GABRG1: variants seen among roughly 807,000 people sequenced by gnomAD.
GABRG1 encodes the protein gamma-aminobutyric acid receptor subunit gamma-1.
Under a neutral mutation model 49.8 loss-of-function variants are expected in GABRG1, and 49 were observed. The observed-to-expected ratio is 0.98, with a 90% CI of 0.78 to 1.25. GABRG1 has a LOEUF of 1.25. GABRG1 is among the 50% of genes most tolerant of loss of function. GABRG1 has a pLI of 0.00. For missense variants in GABRG1, 552 were observed against 552.3 expected (o/e 1.00, Z 0.01); for synonymous variants, 232 against 185.1 (o/e 1.25, Z -2.06).
At chr4:46,087,544 A>G (rs1321018548) in intron 2 of GABRG1, among the ~76,000 whole-genome samples, 1 of 151,812 alleles carries the variant, frequency 6.6e-6, no homozygotes, top group Admixed American at 6.6e-5. Flanking sequence ...AAATTTTTCA[A>G]TAGTAAATAA....
chr4:46,090,574 A>C (rs1719942606), intron 2 of GABRG1, among the ~76,000 whole-genome samples: 1 of 152,080 alleles, frequency 6.6e-6, no homozygotes, highest in Non-Finnish European at 1.5e-5. Context: ...GTAAAGTATA[A>C]GGAGTAAAAC....
intron 2 of GABRG1, among the ~76,000 whole-genome samples, chr4:46,089,749 G>A (rs1719912830): frequency 1.3e-5 from 2 of 152,026 alleles, no homozygotes; most frequent in Admixed American, 1.3e-4. Context: ...GATCGCTTGA[G>A]CTCAGGAGTT....
At position 46,091,641 on chromosome 4, in the gene GABRG1, G is replaced by C. The variant is rs536608466; in HGVS notation, c.253+5560C>G. Among the ~76,000 whole-genome samples the C allele has an allele frequency of 3.9e-5, 6 of 152,132 alleles. No individual in the cohort carries two copies. In the South Asian group the frequency reaches 1.2e-3, roughly 32 times the overall value. On this transcript the variant is annotated intron_variant, in intron 2 of 8. Coordinates refer to ENST00000295452, the MANE Select transcript of GABRG1 (RefSeq NM_173536.4). ...AACGGGAAATTAGGTCGGTAATAAAGAGCAGATTGAAACACAAATAGGGAG... is the reference window on the plus strand; with the variant it reads ...AACGGGAAATTAGGTCGGTAATAAACAGCAGATTGAAACACAAATAGGGAG...
chr4:46,097,332 T>C lies in GABRG1; in HGVS notation c.122A>G (p.Asp41Gly), dbSNP rs1424400113. The C allele has an allele frequency of 6.2e-6, 10 of 1,608,688 alleles. No homozygotes were observed. The highest frequency in any genetic ancestry group is 8.5e-6 in the Non-Finnish European group (10 of 1,177,146). The change falls in exon 2 of 9, where the codon GAT becomes GGT. Residue 41 changes from aspartate (D) to glycine (G), a missense_variant. Physicochemically the swap from Asp to Gly is moderately conservative, Grantham distance 94. Transcript: ENST00000295452. The stretch of plus-strand genomic sequence containing the variant: ...CACCGTTAAATCCTCATCATCTTCA[T>C]CATCTGCCTTATCAACACTAAATAA... The part of the protein sequence containing the change: ...HLGNCVDKAD[D>G]EDDEDLTVNK...
intron 5 of GABRG1, among the ~76,000 whole-genome samples, chr4:46,062,433 T>A (rs1718732671): frequency 6.6e-6 from 1 of 152,148 alleles, no homozygotes; most frequent in Non-Finnish European, 1.5e-5. Context: ...TAGTTCTAGA[T>A]CCCTGAGGAA....
At chr4:46,087,347 C>T (rs1719809139) in intron 2 of GABRG1, among the ~76,000 whole-genome samples, 1 of 151,410 alleles carries the variant, frequency 6.6e-6, no homozygotes, top group African/African-American at 2.4e-5. Context: ...TCAATATTAT[C>T]TTCCTGGTTT....
chr4:46,113,443 A>G (rs1415790007), intron 1 of GABRG1, among the ~76,000 whole-genome samples: 1 of 150,912 alleles, frequency 6.6e-6, no homozygotes, highest in Non-Finnish European at 1.5e-5. Context: ...ATTCAATTAC[A>G]TTCACCTGGT....
In GABRG1 at chr4:46,064,531, G is replaced by A; in HGVS notation, c.543-8C>T. The A allele has an allele frequency of 7.2e-7, 1 of 1,384,864 alleles. No homozygotes were observed. The highest frequency in any genetic ancestry group is 1.5e-5 in the African/African-American group (1 of 67,142). The allele number at this position is 1,384,864 out of a possible 1,614,324, so 85.8% of individuals were successfully genotyped here. The stretch of plus-strand genomic sequence containing the variant: ...TCTGCATTAATTGTCAATCTATTTA[G>A]ATGGAAAGAAAAGTATTAAATAAAG... On this transcript the variant is annotated splice_region_variant and splice_polypyrimidine_tract_variant and intron_variant, in intron 4 of 8. Transcript: ENST00000295452.
At chr4:46,121,917 C>T (rs1233138351) in intron 1 of GABRG1, among the ~76,000 whole-genome samples, 1 of 152,084 alleles carries the variant, frequency 6.6e-6, no homozygotes, top group East Asian at 1.9e-4. Flanking sequence ...ATAGTATTCA[C>T]ACTTAGAATT....
chr4:46,105,843 T>C (rs1044158146), intron 1 of GABRG1, among the ~76,000 whole-genome samples: 3 of 138,084 alleles, frequency 2.2e-5, no homozygotes, highest in Non-Finnish European at 3.1e-5. Flanking sequence ...ATGATAGATA[T>C]TCTCTACAAG....
chr4:46,044,839 T>C (rs1015255169), intron 8 of GABRG1, among the ~76,000 whole-genome samples: 2 of 152,142 alleles, frequency 1.3e-5, no homozygotes, highest in African/African-American at 4.8e-5. Flanking sequence ...CTCTAAACTC[T>C]ATAACTTCTA....
intron 5 of GABRG1, 138 bp from the exon 6 acceptor site, chr4:46,058,760 C>A (rs1718555402): frequency 1.6e-6 from 1 of 637,686 alleles, no homozygotes; most frequent in East Asian, 2.8e-5. Flanking sequence ...TATTTGAATA[C>A]AATAAATATT....
At chr4:46,117,814 G>T in intron 1 of GABRG1, among the ~76,000 whole-genome samples, 1 of 112,614 alleles carries the variant, frequency 8.9e-6, no homozygotes, top group African/African-American at 4.0e-5. Flanking sequence ...GTATACATGT[G>T]TATCTATATA....
rs1038288951 is a variant in GABRG1, at chr4:46,038,672, T to C, written c.*2316A>G. The C allele has an allele frequency of 1.3e-5, 2 of 151,676 alleles. No individual in the cohort carries two copies. Among genetic ancestry groups the C allele is most frequent in the Non-Finnish European group, 3.0e-5 (2 of 67,678 alleles). The allele number at this position is 151,676 out of a possible 1,614,324, so 9.4% of individuals were successfully genotyped here. A position where few individuals can be genotyped will look rare whatever the true frequency, so the allele number is the denominator to read the frequency against. On this transcript the variant is annotated 3_prime_UTR_variant, in exon 9 of 9. Coordinates refer to ENST00000295452, the MANE Select transcript of GABRG1 (RefSeq NM_173536.4). ...TGATTTCTTGAGAAAGAAGTCTAAA[T>C]GTAGTTTTACCTTTTTATTCTTATT...
At chr4:46,120,258 C>A (rs1054032928) in intron 1 of GABRG1, among the ~76,000 whole-genome samples, 1 of 151,764 alleles carries the variant, frequency 6.6e-6, no homozygotes, top group African/African-American at 2.4e-5. Flanking sequence ...ATCATTTTCT[C>A]AGTATCTCCA....
At chr4:46,057,932 G>A (rs1718513405) in intron 7 of GABRG1, among the ~76,000 whole-genome samples, 1 of 152,100 alleles carries the variant, frequency 6.6e-6, no homozygotes, top group Admixed American at 6.6e-5. Context: ...AATTACGTAT[G>A]ATTTTCATGT....
intron 5 of GABRG1, among the ~76,000 whole-genome samples, chr4:46,059,564 T>A (rs1461788695): frequency 6.6e-6 from 1 of 151,906 alleles, no homozygotes; most frequent in East Asian, 1.9e-4. Context: ...CTACCCTTTT[T>A]TTTTAATTTT....
chr4:46,071,392 A>G (rs1281202805), intron 3 of GABRG1, among the ~76,000 whole-genome samples: 2 of 150,044 alleles, frequency 1.3e-5, no homozygotes, highest in East Asian at 3.9e-4. Context: ...AGTATAGCAT[A>G]ATAAATACAT....
chr4:46,050,260 C>T (rs1233685065), intron 8 of GABRG1, among the ~76,000 whole-genome samples: 1 of 151,896 alleles, frequency 6.6e-6, no homozygotes, highest in East Asian at 1.9e-4. Context: ...CAAATTTGTA[C>T]TGCTAGCAAT....
Sources: gnomAD v4.1 joint callset for allele counts (sites outside exome capture counted in the v4.1 genomes callset) on GRCh38, gnomAD v4.1.1 for gene constraint, MANE v1.5 for transcripts, NCBI Gene and HGNC (gene_info 2026-07-23, HGNC 2026-07-21) for gene names.